The following APBA1 variants were observed in gnomAD, a reference collection of about 807,000 sequenced individuals.
APBA1 encodes amyloid-beta A4 precursor protein-binding family A member 1.
APBA1 carries 55 observed loss-of-function variants against 86.6 expected under a neutral mutation model. That is an observed-to-expected ratio of 0.64 (90% CI 0.51 to 0.80). APBA1 has a LOEUF of 0.80. Ranked by LOEUF, APBA1 falls within the 30% of genes least tolerant of loss-of-function variation. APBA1 has a pLI of 0.00. For missense variants in APBA1, 1,090 were observed against 1,183.0 expected, an observed-to-expected ratio of 0.92 and a Z score of 1.15; for synonymous variants, 511 against 493.9, an observed-to-expected ratio of 1.03 and a Z score of -0.46.
At chr9:69,445,184 G>A (rs1834887445) in intron 10 of APBA1, among the ~76,000 whole-genome samples, 1 of 152,130 alleles carries the variant, frequency 6.6e-6, no homozygotes, top group African/African-American at 2.4e-5. Flanking sequence ...TGCTCTGGTG[G>A]GTTCTTTCCG....
chr9:69,587,561 C>T (rs1588379732), intron 1 of APBA1, among the ~76,000 whole-genome samples: 1 of 152,232 alleles, frequency 6.6e-6, no homozygotes, highest in East Asian at 1.9e-4. Context: ...GCATCCCTTG[C>T]AAGTAGGTTC....
At chr9:69,445,594 T>C (rs573285366) in intron 10 of APBA1, among the ~76,000 whole-genome samples, 3 of 152,168 alleles carry the variant, frequency 2.0e-5, no homozygotes, top group African/African-American at 7.2e-5. Context: ...CTGTGCGCTA[T>C]TCTAAAACAG....
chr9:69,533,182 G>T (rs996569737), intron 1 of APBA1, among the ~76,000 whole-genome samples: 1 of 152,156 alleles, frequency 6.6e-6, no homozygotes, highest in Non-Finnish European at 1.5e-5. Context: ...TGATGGAGGG[G>T]ACAGGATATA....
At chr9:69,626,688 G>C (rs1282300385) in intron 1 of APBA1, among the ~76,000 whole-genome samples, 1 of 151,922 alleles carries the variant, frequency 6.6e-6, no homozygotes, top group East Asian at 1.9e-4. Flanking sequence ...TTTAAGACTT[G>C]GCCAAATCTC....
chr9:69,562,991 G>A (rs1836971017), intron 1 of APBA1, among the ~76,000 whole-genome samples: 1 of 152,086 alleles, frequency 6.6e-6, no homozygotes, highest in South Asian at 2.1e-4. Context: ...TGCTTCTTTG[G>A]AAATGACTGT....
chr9:69,536,503 C>T lies in APBA1; in HGVS notation c.-69-19224G>A, dbSNP rs756831459. 8.6e-5 allele frequency among the ~76,000 whole-genome samples: 13 copies of T among 151,562 alleles called. 1 individual carries two copies. The highest frequency in any genetic ancestry group is 2.1e-4 in the South Asian group (1 of 4,770). On this transcript the variant is annotated intron_variant, in intron 1 of 12. Transcript: ENST00000265381. ...CTGAACTTGTACACATTTTCTATAG[C>T]GGTAAAATATATATAACATAAATTT...
chr9:69,579,344 G>A, intron 1 of APBA1, among the ~76,000 whole-genome samples: 1 of 152,078 alleles, frequency 6.6e-6, no homozygotes, highest in Admixed American at 6.6e-5. Context: ...TGTCAACAGA[G>A]GCTACATAAA....
Position 69,441,039 on chromosome 9 carries a change from G to C in APBA1, c.2258C>G (p.Pro753Arg). Residue 753 changes from proline (P) to arginine (R), a missense_variant, in exon 11 of 13, where the codon CCA becomes CGA. This residue lies in a region of APBA1 where 119 missense variants were observed against 124.8 expected (regional missense o/e 0.95). Transcript: ENST00000265381. ...GAAACCGAGCTGGTAGCGAAGGTCT[G>C]GTCTTCTGATTAACACGGTGGTCAC... ...PPVTTVLIRR[P>R]DLRYQLGFSV... The C allele has an allele frequency of 6.2e-7, 1 of 1,614,080 alleles. No homozygotes were observed. The highest frequency in any genetic ancestry group is 8.5e-7 in the Non-Finnish European group (1 of 1,180,036).
chr9:69,459,585 C>A (rs1835156931), intron 5 of APBA1, among the ~76,000 whole-genome samples: 1 of 152,182 alleles, frequency 6.6e-6, no homozygotes, highest in Non-Finnish European at 1.5e-5. Context: ...GTAGTTTACA[C>A]CTAACTAAAA....
At chr9:69,518,169 A>G (rs1836197703) in intron 1 of APBA1, among the ~76,000 whole-genome samples, 1 of 152,264 alleles carries the variant, frequency 6.6e-6, no homozygotes, top group African/African-American at 2.4e-5. Context: ...TAATGCAAGT[A>G]AAAATACAGT....
chr9:69,583,577 G>A (rs1821958619), intron 1 of APBA1, among the ~76,000 whole-genome samples: 1 of 152,142 alleles, frequency 6.6e-6, no homozygotes, highest in Non-Finnish European at 1.5e-5. Flanking sequence ...TGTTATTAGA[G>A]CTAACTCAAG....
intron 1 of APBA1, among the ~76,000 whole-genome samples, chr9:69,637,261 C>T (rs1823198613): frequency 6.6e-6 from 1 of 151,908 alleles, no homozygotes; most frequent in Non-Finnish European, 1.5e-5. Context: ...TTAATGGACA[C>T]AAAAATATAG....
intron 11 of APBA1, among the ~76,000 whole-genome samples, 168 bp downstream of exon 11, chr9:69,440,828 T>C (rs545254926): frequency 6.6e-6 from 1 of 152,288 alleles, no homozygotes; most frequent in East Asian, 1.9e-4. Flanking sequence ...GAGATGAACC[T>C]GGTACCTCAG....
At chr9:69,440,541 T>TA in intron 11 of APBA1, among the ~76,000 whole-genome samples, 1 of 152,256 alleles carries the variant, frequency 6.6e-6, no homozygotes, top group South Asian at 2.1e-4. Flanking sequence ...ACTGCTGTGC[T>TA]AGCAATGAGT....
rs1044576038 is a variant in APBA1 at position 69,645,499 on chromosome 9, C to T, written c.-70+26654G>A. ...GAGTCCAGGTTGGGCGAGGCAAGAT[C>T]GTCTACCTGAAGTGAGAGAAAAAAA... On this transcript the variant is annotated intron_variant, in intron 1 of 12. Transcript: ENST00000265381. Among the ~76,000 whole-genome samples, 5 of 152,180 alleles carry T rather than the reference C, an allele frequency of 3.3e-5. No individual in the cohort carries two copies. In the East Asian group the frequency reaches 5.8e-4, roughly 18 times the overall value.
chr9:69,467,773 A>C (rs773874972), intron 5 of APBA1, 50 bp downstream of exon 5: 10 of 1,609,598 alleles, frequency 6.2e-6, no homozygotes, highest in African/African-American at 1.3e-5. Context: ...AGACTGCTCC[A>C]GTGCCTACAC....
intron 2 of APBA1, among the ~76,000 whole-genome samples, chr9:69,511,862 G>T (rs1347949654): frequency 1.4e-5 from 2 of 145,332 alleles, no homozygotes; most frequent in Non-Finnish European, 3.0e-5. Flanking sequence ...TCATAGGCGG[G>T]AATTGAACAA....
chr9:69,472,784 G>A (rs1475696016), intron 3 of APBA1, among the ~76,000 whole-genome samples: 1 of 152,200 alleles, frequency 6.6e-6, no homozygotes, highest in African/African-American at 2.4e-5. Context: ...GTGTTGGGAT[G>A]TCATGGGGAG....
intron 1 of APBA1, among the ~76,000 whole-genome samples, chr9:69,661,653 T>TG (rs1823754370): frequency 1.3e-5 from 2 of 152,162 alleles, no homozygotes; most frequent in South Asian, 4.1e-4. Flanking sequence ...GTGGCAGTAT[T>TG]GGGAGGTGCA....
Sources: allele counts gnomAD v4.1 joint callset (sites outside exome capture counted in the v4.1 genomes callset), GRCh38; gene constraint gnomAD v4.1.1; regional missense constraint gnomAD v4.1.1; transcripts MANE v1.5; gene names NCBI Gene and HGNC (gene_info 2026-07-23, HGNC 2026-07-21).